The following UGT1A8 variants were observed in gnomAD, a reference collection of about 807,000 sequenced individuals.
UGT1A8 encodes UDP glucuronosyltransferase family 1 member A8.
UGT1A8 carries 39 observed loss-of-function variants against 45.3 expected under a neutral mutation model. The ratio of observed to expected loss-of-function variants is 0.86; its 90% CI spans 0.67 to 1.12. UGT1A8 has a LOEUF of 1.12. Among genes scored for constraint, UGT1A8 ranks in the 50% most tolerant of loss-of-function variants. The probability of loss-of-function intolerance (pLI) is 0.00; values close to 1 mark genes in which losing one functional copy is unlikely to be tolerated. For missense variants in UGT1A8, 719 were observed against 664.9 expected (o/e 1.08, Z -0.90); for synonymous variants, 275 against 249.2 (o/e 1.10, Z -0.97).
rs1325000150 is a variant in UGT1A8, at chr2:233,680,537, C to A, written c.855+61975C>A. Among the ~76,000 whole-genome samples the A allele has an allele frequency of 2.0e-5, 3 of 152,106 alleles. No individual in the cohort carries two copies. The East Asian group carries it at 5.8e-4, about 29-fold the overall frequency. The stretch of plus-strand genomic sequence containing the variant: ...TATGCCCTGAGGTTGGCTGTTGAAT[C>A]CCTCACGAAATGCTCCTCAGTGTGT... On this transcript the variant is annotated intron_variant, in intron 1 of 4. Coordinates refer to ENST00000373450, the MANE Select transcript of UGT1A8 (RefSeq NM_019076.5).
chr2:233,754,833 T>C (rs1695605452), intron 1 of UGT1A8: 1 of 1,343,184 alleles, frequency 7.4e-7, no homozygotes, highest in African/African-American at 1.5e-5. Context: ...AGCTGGAAAT[T>C]CACTGAAGGC....
intron 1 of UGT1A8, chr2:233,753,774 T>C (rs1695305556): frequency 6.6e-6 from 1 of 152,238 alleles, no homozygotes; most frequent in Admixed American, 6.5e-5. Flanking sequence ...TTGGAAACGC[T>C]TTTCTTTACA....
chr2:233,647,875 T>A (rs1465554139), intron 1 of UGT1A8: 10 of 1,433,084 alleles, frequency 7.0e-6, no homozygotes, highest in Non-Finnish European at 9.5e-6. Flanking sequence ...CTATTTCCTA[T>A]TTCATTGATT....
At chr2:233,766,983 C>T (rs1040066735) in intron 1 of UGT1A8, 51 bp from the exon 2 acceptor site, 20 of 1,612,672 alleles carry the variant, frequency 1.2e-5, no homozygotes, top group Non-Finnish European at 1.7e-5. Flanking sequence ...TGTATGTAGT[C>T]ATCAAAGAAT....
intron 1 of UGT1A8, among the ~76,000 whole-genome samples, chr2:233,732,436 G>A (rs987831872): frequency 2.6e-5 from 4 of 152,194 alleles, no homozygotes; most frequent in Non-Finnish European, 4.4e-5. Flanking sequence ...GATTTTTATG[G>A]TTTTAGGTCT....
intron 1 of UGT1A8, among the ~76,000 whole-genome samples, chr2:233,670,353 T>C (rs2074157650): frequency 6.6e-6 from 1 of 152,198 alleles, no homozygotes; most frequent in Admixed American, 6.5e-5. Context: ...CTTTACAGAA[T>C]TACATCATAA....
chr2:233,631,474 A>G (rs1222152129), intron 1 of UGT1A8, among the ~76,000 whole-genome samples: 1 of 152,010 alleles, frequency 6.6e-6, no homozygotes, highest in Admixed American at 6.6e-5. Context: ...AAGCGTTCCT[A>G]TTTCTCCACA....
intron 1 of UGT1A8, among the ~76,000 whole-genome samples, chr2:233,683,553 C>G (rs989486799): frequency 6.6e-6 from 1 of 152,058 alleles, no homozygotes; most frequent in South Asian, 2.1e-4. Flanking sequence ...TGAGATTGGC[C>G]TTCTTTTGCT....
chr2:233,621,587 C>A (rs1171998223), intron 1 of UGT1A8, among the ~76,000 whole-genome samples: 3 of 152,138 alleles, frequency 2.0e-5, no homozygotes, highest in African/African-American at 7.2e-5. Flanking sequence ...CAAAGTTTTC[C>A]AACCTATACA....
intron 1 of UGT1A8, among the ~76,000 whole-genome samples, chr2:233,680,089 CAG>C (rs1235931914): frequency 2.5e-4 from 38 of 152,026 alleles, no homozygotes; most frequent in Non-Finnish European, 5.0e-4. Context: ...TTTGAAATGG[CAG>C]GCAATCATAG....
At chr2:233,729,263 A>C (rs1204549030) in intron 1 of UGT1A8, 7 of 1,614,084 alleles carry the variant, frequency 4.3e-6, no homozygotes. Flanking sequence ...AGCATGCGGG[A>C]GGTCTTGCGG....
chr2:233,624,232 A>G (rs2073058563), intron 1 of UGT1A8, among the ~76,000 whole-genome samples: 1 of 152,036 alleles, frequency 6.6e-6, no homozygotes, highest in Non-Finnish European at 1.5e-5. Flanking sequence ...CCTGAAATGT[A>G]GTCATCATGT....
chr2:233,636,436 G>A (rs570026623), intron 1 of UGT1A8: 3 of 1,520,268 alleles, frequency 2.0e-6, no homozygotes, highest in South Asian at 2.7e-5. Context: ...CCCTCTATTG[G>A]GGTCAGGTTT....
intron 1 of UGT1A8, among the ~76,000 whole-genome samples, chr2:233,632,157 T>C (rs2073200365): frequency 6.6e-6 from 1 of 152,202 alleles, no homozygotes; most frequent in Non-Finnish European, 1.5e-5. Flanking sequence ...ATGTGTGGCA[T>C]AATTTCTGAG....
intron 1 of UGT1A8, chr2:233,743,003 T>C (rs1559386473): frequency 4.2e-6 from 1 of 238,432 alleles, no homozygotes; most frequent in Non-Finnish European, 8.3e-6. Context: ...TGCATACAGA[T>C]ATTTTACAAC....
At chr2:233,620,688 A>T (rs2072986803) in intron 1 of UGT1A8, among the ~76,000 whole-genome samples, 1 of 152,224 alleles carries the variant, frequency 6.6e-6, no homozygotes, top group South Asian at 2.1e-4. Flanking sequence ...GATTATATGC[A>T]TAAAGCCAGC....
intron 1 of UGT1A8, among the ~76,000 whole-genome samples, chr2:233,705,164 G>T (rs1459236514): frequency 1.3e-5 from 2 of 151,464 alleles, no homozygotes; most frequent in South Asian, 2.1e-4. Flanking sequence ...GAGAGAGAGA[G>T]AATAAAGGGG....
Position 233,769,437 on chromosome 2 carries a change from G to T in UGT1A8, c.1295+998G>T. On this transcript the variant is annotated intron_variant, in intron 4 of 4. Transcript: ENST00000373450. The surrounding 1 kb of genome is among the most constrained non-coding windows in gnomAD (Gnocchi z 4.4). ...TTTGTGCATGTGGCTGTGCTCATGT[G>T]TGGGTGCACACGTGTGCATTCATAT... 1 of 1,560,038 alleles carries T rather than the reference G, an allele frequency of 6.4e-7. No homozygotes were observed. Among genetic ancestry groups the T allele is most frequent in the Non-Finnish European group, 8.8e-7 (1 of 1,136,330 alleles).
At chr2:233,674,850 A>G (rs1392217876) in intron 1 of UGT1A8, among the ~76,000 whole-genome samples, 1 of 152,154 alleles carries the variant, frequency 6.6e-6, no homozygotes, top group Non-Finnish European at 1.5e-5. Context: ...CCAACCACAG[A>G]AGTAAATTGT....
Sources: allele counts gnomAD v4.1 joint callset (sites outside exome capture counted in the v4.1 genomes callset), GRCh38; gene constraint gnomAD v4.1.1; non-coding constraint Gnocchi (gnomAD v3.1); transcripts MANE v1.5; gene names NCBI Gene and HGNC (gene_info 2026-07-23, HGNC 2026-07-21).